PRSS48: variants seen among roughly 807,000 people sequenced by gnomAD.
PRSS48 encodes the protein serine protease 48.
In PRSS48, 21 loss-of-function variants were observed where a neutral mutation model predicts 25.6. The ratio of observed to expected loss-of-function variants is 0.82; its 90% confidence interval spans 0.58 to 1.18. The LOEUF (loss-of-function observed/expected upper bound fraction) is 1.18, where lower values mean the gene tolerates loss of function less well. PRSS48 is among the 50% of genes most tolerant of loss of function. The pLI is 0.00. For synonymous variants in PRSS48, 150 were observed against 149.3 expected (o/e 1.00, Z -0.04); for missense variants, 373 against 399.3 (o/e 0.93, Z 0.56).
intron 3 of PRSS48, 39 bp from the exon 4 acceptor site, chr4:151,283,078 T>C (rs1306192420): frequency 6.2e-7 from 1 of 1,603,344 alleles, no homozygotes; most frequent in Non-Finnish European, 8.5e-7. Context: ...TGCACTTTTC[T>C]AGGTTGCTTT....
At chr4:151,282,529 T>A in intron 3 of PRSS48, 116 bp downstream of exon 3, 1 of 977,428 alleles carries the variant, frequency 1.0e-6, no homozygotes. Flanking sequence ...ACCAGATCAA[T>A]CTAATGATAT....
intron 2 of PRSS48, 97 bp downstream of exon 2, chr4:151,280,055 A>ACTG: frequency 7.2e-7 from 1 of 1,379,884 alleles, no homozygotes; most frequent in Non-Finnish European, 1.0e-6. Flanking sequence ...GTGGTAAAAT[A>ACTG]GGCAGGGCGG....
exon 3 of PRSS48, chr4:151,282,348 C>T (rs758061044): frequency 2.5e-6 from 4 of 1,613,794 alleles, no homozygotes; most frequent in Non-Finnish European, 3.4e-6. Context: ...CCCAGTGTCA[C>T]AAAGCAGTTG....
In PRSS48 at chr4:151,278,095, G is replaced by T. The variant is rs547723089; in HGVS notation, c.52+871G>T. ...AGCAAAAAACTTAACAGGTAGCAAA[G>T]AAGAAAGATACACAAATACTGCAAA... On this transcript the variant is annotated intron_variant, in intron 1 of 4. Transcript: ENST00000455694. Among the ~76,000 whole-genome samples, 4 of 152,304 alleles carry T rather than the reference G, an allele frequency of 2.6e-5. No individual in the cohort carries two copies. The South Asian group carries it at 8.3e-4, about 32-fold the overall frequency.
intron 3 of PRSS48, 29 bp downstream of exon 3, chr4:151,282,442 T>C (rs1226192420): frequency 6.2e-7 from 1 of 1,610,184 alleles, no homozygotes; most frequent in Non-Finnish European, 8.5e-7. Context: ...AAGGGTTGTT[T>C]CATATGTCAT....
intron 4 of PRSS48, among the ~76,000 whole-genome samples, chr4:151,284,736 A>G (rs1364223551): frequency 1.3e-5 from 2 of 152,194 alleles, no homozygotes; most frequent in East Asian, 3.8e-4. Context: ...ATGCTTCTCT[A>G]AAGAATGTTG....
At chr4:151,280,088 A>G (rs1270935241) in intron 2 of PRSS48, 130 bp downstream of exon 2, 3 of 1,127,782 alleles carry the variant, frequency 2.7e-6, no homozygotes, top group African/African-American at 1.6e-5. Context: ...GTCATGTCAG[A>G]CTATCAAACC....
At chr4:151,277,706 A>G (rs1773777633) in intron 1 of PRSS48, among the ~76,000 whole-genome samples, 1 of 152,156 alleles carries the variant, frequency 6.6e-6, no homozygotes, top group Admixed American at 6.5e-5. Context: ...TTTCAGGTAT[A>G]TGCTTGTTCA....
At chr4:151,280,054 T>C (rs886798001) in intron 2 of PRSS48, 96 bp downstream of exon 2, 17 of 873,798 alleles carry the variant, frequency 1.9e-5, no homozygotes, top group Middle Eastern at 3.8e-4. Context: ...AGTGGTAAAA[T>C]AGGCAGGGCG....
At chr4:151,280,064 G>A (rs1340907404) in intron 2 of PRSS48, 106 bp downstream of exon 2, 19 of 1,309,024 alleles carry the variant, frequency 1.5e-5, no homozygotes, top group Middle Eastern at 2.7e-4. Flanking sequence ...TAGGCAGGGC[G>A]GAAGGAAACC....
chr4:151,280,294 A>G (rs761435708), intron 2 of PRSS48, among the ~76,000 whole-genome samples: 3 of 152,174 alleles, frequency 2.0e-5, no homozygotes, highest in Non-Finnish European at 4.4e-5. Flanking sequence ...TCATGTGGTG[A>G]GTGTCCCTAT....
chr4:151,285,183 G>C (rs1487016798), intron 4 of PRSS48, among the ~76,000 whole-genome samples: 1 of 152,188 alleles, frequency 6.6e-6, no homozygotes, highest in African/African-American at 2.4e-5. Context: ...CCTTCAGAGA[G>C]TAGCCTTTTA....
chr4:151,291,541 TG>T (rs1360264477), downstream of PRSS48: 2 of 943,684 alleles, frequency 2.1e-6, no homozygotes, highest in African/African-American at 3.3e-5. Flanking sequence ...TTGGAAGTTT[TG>T]GGGTTGGAAT....
chr4:151,290,077 T>C (rs994604461), intron 4 of PRSS48, among the ~76,000 whole-genome samples: 1 of 152,136 alleles, frequency 6.6e-6, no homozygotes, highest in African/African-American at 2.4e-5. Context: ...TCCCGAGTGG[T>C]TGGGATGACA....
At chr4:151,288,960 A>G (rs1257006324) in intron 4 of PRSS48, among the ~76,000 whole-genome samples, 1 of 152,244 alleles carries the variant, frequency 6.6e-6, no homozygotes, top group East Asian at 1.9e-4. Context: ...ACAAGAAACA[A>G]GTTGAAGGAC....
chr4:151,290,738 C>A (rs1177211559), intron 4 of PRSS48, among the ~76,000 whole-genome samples: 1 of 152,178 alleles, frequency 6.6e-6, no homozygotes, highest in Admixed American at 6.5e-5. Flanking sequence ...CTACCAACAA[C>A]TATCACTATC....
chr4:151,278,020 G>A (rs947010500), intron 1 of PRSS48, among the ~76,000 whole-genome samples: 3 of 152,060 alleles, frequency 2.0e-5, no homozygotes, highest in South Asian at 4.2e-4. Context: ...CAGCCTTAGC[G>A]ACAGAGTAAG....
chr4:151,280,212 A>G (rs1459127904), intron 2 of PRSS48, among the ~76,000 whole-genome samples: 1 of 130,548 alleles, frequency 7.7e-6, no homozygotes, highest in East Asian at 2.0e-4. Context: ...CAGTCAGGAG[A>G]TTTTTGTCGT....
intron 4 of PRSS48, among the ~76,000 whole-genome samples, chr4:151,284,006 T>G (rs1437616253): frequency 1.3e-5 from 2 of 152,228 alleles, no homozygotes; most frequent in Non-Finnish European, 2.9e-5. Flanking sequence ...ATTTTTTCTT[T>G]ACCTTTGATT....
Sources: gnomAD v4.1 joint callset for allele counts (sites outside exome capture counted in the v4.1 genomes callset) on GRCh38, gnomAD v4.1.1 for gene constraint, MANE v1.5 for transcripts, NCBI Gene and HGNC (gene_info 2026-07-23, HGNC 2026-07-21) for gene names.